The following UNC5B variants were observed in gnomAD, a reference collection of about 807,000 sequenced individuals.
UNC5B encodes the protein netrin receptor UNC5B.
A neutral mutation model predicts 103.7 loss-of-function variants in UNC5B; 56 were observed. The ratio of observed to expected loss-of-function variants is 0.54; its 90% CI spans 0.44 to 0.67. The LOEUF (loss-of-function observed/expected upper bound fraction) is 0.67. UNC5B is among the 30% of genes least tolerant of loss of function. The pLI, the probability that UNC5B is intolerant of heterozygous loss-of-function variation, is 0.00. For missense variants in UNC5B, 1,194 were observed against 1,284.5 expected, an observed-to-expected ratio of 0.93 and a Z score of 1.08; for synonymous variants, 577 against 542.0, an observed-to-expected ratio of 1.06 and a Z score of -0.90.
chr10:71,265,077 G>T (rs1844495162), intron 1 of UNC5B, among the ~76,000 whole-genome samples: 1 of 151,896 alleles, frequency 6.6e-6, no homozygotes, highest in Non-Finnish European at 1.5e-5. Context: ...TAATCTCCCT[G>T]TGCCTGCAAA....
intron 4 of UNC5B, among the ~76,000 whole-genome samples, chr10:71,286,078 G>C (rs1055608583): frequency 2.0e-5 from 3 of 152,170 alleles, no homozygotes; most frequent in African/African-American, 7.2e-5. Flanking sequence ...AATACCCCTG[G>C]CCCATATATG....
intron 4 of UNC5B, among the ~76,000 whole-genome samples, chr10:71,286,068 A>G (rs1348106735): frequency 6.6e-6 from 1 of 152,178 alleles, no homozygotes; most frequent in Non-Finnish European, 1.5e-5. Context: ...GGCTCAGACA[A>G]ATACCCCTGG....
At chr10:71,224,302 C>A (rs1030981998) in intron 1 of UNC5B, among the ~76,000 whole-genome samples, 2 of 148,734 alleles carry the variant, frequency 1.3e-5, no homozygotes, top group African/African-American at 5.0e-5. Flanking sequence ...GCACAGTGAC[C>A]CCTGCTGCAA....
intron 1 of UNC5B, among the ~76,000 whole-genome samples, chr10:71,232,461 C>T (rs532023147): frequency 2.6e-5 from 4 of 152,354 alleles, no homozygotes; most frequent in East Asian, 1.9e-4. Context: ...GGCCCAGCCC[C>T]GGCCCCAGCC....
At position 71,300,048 on chromosome 10, in the gene UNC5B, T is replaced by TGC. The variant is rs1208257021; in HGVS notation, c.*772_*773insCG. 4 of 151,990 alleles carry TGC rather than the reference T, an allele frequency of 2.6e-5. No homozygotes were observed. Among genetic ancestry groups the TGC allele is most frequent in the Non-Finnish European group, 5.9e-5 (4 of 68,120 alleles). 9.4% of individuals were successfully genotyped at this position (151,990 alleles called of 1,614,324 possible). A position where few individuals can be genotyped will look rare whatever the true frequency, so the allele number is the denominator to read the frequency against. ...ATGTGCCTGTGTGTGTGTGTGTGTG[T>TGC]GTGTGTGTGTGTGTACATGTACGCG... is the stretch of plus-strand genomic sequence containing the variant. On this transcript the variant is annotated 3_prime_UTR_variant, in exon 17 of 17. Coordinates refer to ENST00000335350, the MANE Select transcript of UNC5B (RefSeq NM_170744.5).
At chr10:71,253,777 G>A (rs1337931531) in intron 1 of UNC5B, among the ~76,000 whole-genome samples, 4 of 152,144 alleles carry the variant, frequency 2.6e-5, no homozygotes, top group Admixed American at 2.6e-4. Context: ...AGTGAGAGGT[G>A]GACACTGTAC....
chr10:71,290,951 G>T lies in UNC5B; in HGVS notation c.1136G>T (p.Gly379Val). The T allele has an allele frequency of 6.2e-7, 1 of 1,613,878 alleles. No individual in the cohort carries two copies. Among genetic ancestry groups the T allele is most frequent in the Non-Finnish European group, 8.5e-7 (1 of 1,180,030 alleles). Residue 379 changes from glycine to valine, a missense_variant, in exon 9 of 17, where the codon GGG (glycine) becomes GTG (valine). Physicochemically the swap from Gly to Val is moderately radical, Grantham distance 109. Transcript: ENST00000335350. ...EASGDAALYA[G>V]LVVAIFVVVA... ...TCAGGGGATGCGGCGCTGTATGCGG[G>T]GCTCGTGGTGGCCATCTTCGTGGTC...
intron 1 of UNC5B, among the ~76,000 whole-genome samples, chr10:71,222,596 C>T (rs767431851): frequency 6.6e-6 from 1 of 152,190 alleles, no homozygotes; most frequent in Non-Finnish European, 1.5e-5. Context: ...CTGTGCATCT[C>T]TGGGCAGAAC....
intron 1 of UNC5B, among the ~76,000 whole-genome samples, chr10:71,249,133 C>T (rs569210904): frequency 1.3e-5 from 2 of 152,340 alleles, no homozygotes; most frequent in South Asian, 4.1e-4. Flanking sequence ...ACAGGCACCT[C>T]ACCCCAGGGT....
rs544537670 is a variant in UNC5B, at chr10:71,301,382, C to T, written c.*2105C>T. On this transcript the variant is annotated 3_prime_UTR_variant, in exon 17 of 17. Transcript: ENST00000335350. ...GAGATTTGAGAGAAGATTCCTTCTACCAGGGCTGCTGAGGGGCCAGGCCTG... is the reference window on the plus strand; with the variant it reads ...GAGATTTGAGAGAAGATTCCTTCTATCAGGGCTGCTGAGGGGCCAGGCCTG... 1 of 152,374 alleles carries T rather than the reference C, an allele frequency of 6.6e-6. No homozygotes were observed. Among genetic ancestry groups the T allele is most frequent in the South Asian group, 2.1e-4 (1 of 4,828 alleles). The allele number at this position is 152,374 out of a possible 1,614,324, so 9.4% of individuals were successfully genotyped here.
chr10:71,297,070 T>A (rs951039226), intron 15 of UNC5B, among the ~76,000 whole-genome samples: 1 of 152,150 alleles, frequency 6.6e-6, no homozygotes, highest in African/African-American at 2.4e-5. Flanking sequence ...ATATTCCAGC[T>A]GCACACCACG....
chr10:71,292,525 T>A lies in UNC5B; in HGVS notation c.1743T>A (p.Tyr581Ter). The A allele has an allele frequency of 6.2e-7, 1 of 1,605,942 alleles. No homozygotes were observed. Among genetic ancestry groups the A allele is most frequent in the East Asian group, 2.2e-5 (1 of 44,760 alleles). ...CCCAGGGCAAGTTCTACGAGATGTATCTACTCATCAACAAGGCAGAAAGTA... is the reference window on the plus strand; with the variant it reads ...CCCAGGGCAAGTTCTACGAGATGTAACTACTCATCAACAAGGCAGAAAGTA... ...AIPQGKFYEM[Y>*]LLINKAESTL... Residue 581 changes from tyrosine (Y) to a stop codon, truncating the protein, a stop_gained, in exon 11 of 17, where the codon TAT (tyrosine) becomes TAA (stop). Transcript: ENST00000335350. LOFTEE classifies it high-confidence loss of function.
intron 1 of UNC5B, among the ~76,000 whole-genome samples, chr10:71,245,584 C>T (rs1289796227): frequency 1.3e-5 from 2 of 152,110 alleles, no homozygotes; most frequent in Non-Finnish European, 2.9e-5. Context: ...GTGGATTCAT[C>T]CAGAGAATAT....
At chr10:71,298,951 G>A (rs933111191) in intron 16 of UNC5B, among the ~76,000 whole-genome samples, 161 bp from the exon 17 acceptor site, 1 of 152,200 alleles carries the variant, frequency 6.6e-6, no homozygotes, top group Non-Finnish European at 1.5e-5. Flanking sequence ...CTGAATTGCC[G>A]AGAGCCACAC....
Position 71,213,036 on chromosome 10 carries a change from C to T in UNC5B, c.51C>T (p.Leu17=), listed in dbSNP as rs374572217. 3 of 1,419,032 alleles carry T rather than the reference C, an allele frequency of 2.1e-6. No individual in the cohort carries two copies. Among genetic ancestry groups the T allele is most frequent in the Non-Finnish European group, 2.8e-6 (3 of 1,080,526 alleles). The allele number at this position is 1,419,032 out of a possible 1,614,324, so 87.9% of individuals were successfully genotyped here. The change falls in exon 1 of 17, where the codon CTC becomes CTT. Residue 17 remains leucine (L), a synonymous_variant. Coordinates refer to ENST00000335350, the MANE Select transcript of UNC5B (RefSeq NM_170744.5). The surrounding 1 kb of genome is among the most constrained non-coding windows in gnomAD (Gnocchi z 4.1). ...ARGALLLALL[L]CWDPRLSQAG... ...GCGCGCTGCTGCTGGCACTGCTGCT[C>T]TGCTGGGACCCGAGGCTGAGCCAAG...
At position 71,298,072 on chromosome 10, in the gene UNC5B, A is replaced by C; in HGVS notation, c.2654A>C (p.Gln885Pro). 6.2e-7 allele frequency: 1 copy of C among 1,611,448 alleles called. No homozygotes were observed. The highest frequency in any genetic ancestry group is 1.1e-5 in the South Asian group (1 of 90,530). ...GGCAATGACTGGCGGATGTTAGCACAGAAGCTCTCTATGGACCGGTGAGTA... is the reference window on the plus strand; with the variant it reads ...GGCAATGACTGGCGGATGTTAGCACCGAAGCTCTCTATGGACCGGTGAGTA... ...SRGNDWRMLA[Q>P]KLSMDRYLNY... Residue 885 changes from glutamine (Q) to proline (P), a missense_variant, in exon 16 of 17, where the codon CAG (glutamine) becomes CCG (proline). Transcript: ENST00000335350.
intron 1 of UNC5B, among the ~76,000 whole-genome samples, chr10:71,258,300 C>G (rs1042272641): frequency 6.6e-6 from 1 of 152,170 alleles, no homozygotes. Flanking sequence ...CCCCCCACTC[C>G]CCTCCTAGGA....
At chr10:71,239,218 C>A (rs1843835129) in intron 1 of UNC5B, among the ~76,000 whole-genome samples, 1 of 152,182 alleles carries the variant, frequency 6.6e-6, no homozygotes, top group Non-Finnish European at 1.5e-5. Context: ...CCAGGGCTTA[C>A]TTGCGTTGGG....
At chr10:71,233,515 TCTCCCCCTTCCCTCTGC>T (rs1355096436) in intron 1 of UNC5B, among the ~76,000 whole-genome samples, 2 of 152,138 alleles carry the variant, frequency 1.3e-5, no homozygotes, top group African/African-American at 4.8e-5. Flanking sequence ...TACTCCCTTG[TCTCCCCCTTCCCTCTGC>T]CTCCCCACTC....
Sources: gnomAD v4.1 joint callset for allele counts (sites outside exome capture counted in the v4.1 genomes callset) on GRCh38, gnomAD v4.1.1 for gene constraint, Gnocchi (gnomAD v3.1) non-coding constraint, MANE v1.5 for transcripts, NCBI Gene and HGNC (gene_info 2026-07-23, HGNC 2026-07-21) for gene names.